The following RBMS3 variants were observed in gnomAD, a reference collection of about 807,000 sequenced individuals.
RBMS3 encodes RNA binding motif single stranded interacting protein 3.
A neutral mutation model predicts 66.8 loss-of-function variants in RBMS3; 27 were observed. That is an observed-to-expected ratio of 0.40 (90% CI 0.30 to 0.56). The LOEUF (loss-of-function observed/expected upper bound fraction) is 0.56, where lower values mean the gene tolerates loss of function less well. RBMS3 is among the 20% of genes least tolerant of loss of function. The probability of loss-of-function intolerance (pLI) is 0.40; values close to 1 mark genes in which losing one functional copy is unlikely to be tolerated. For synonymous variants in RBMS3, 188 were observed against 183.0 expected, an observed-to-expected ratio of 1.03 and a Z score of -0.22; for missense variants, 513 against 549.5, an observed-to-expected ratio of 0.93 and a Z score of 0.66.
intron 1 of RBMS3, among the ~76,000 whole-genome samples, chr3:29,357,297 T>C (rs1486300375): frequency 1.3e-5 from 2 of 150,072 alleles, no homozygotes; most frequent in Non-Finnish European, 3.0e-5. Context: ...GAACACGCGG[T>C]GTTTGGTTTT....
chr3:29,406,320 C>T (rs79856208), intron 1 of RBMS3, among the ~76,000 whole-genome samples: 1,966 of 152,142 alleles, frequency 0.013, 50 homozygotes, highest in African/African-American at 0.042. Context: ...ACAAATTACA[C>T]GGTGGGATGA....
chr3:29,650,356 T>A, intron 4 of RBMS3, among the ~76,000 whole-genome samples: 1 of 149,470 alleles, frequency 6.7e-6, no homozygotes, highest in Non-Finnish European at 1.5e-5. Context: ...AGTGGCGTGA[T>A]CACAACTCAA....
chr3:29,907,011 G>A (rs184685478), intron 10 of RBMS3, among the ~76,000 whole-genome samples: 1 of 152,202 alleles, frequency 6.6e-6, no homozygotes, highest in Non-Finnish European at 1.5e-5. Flanking sequence ...GAGCAAAAAT[G>A]TTATTTACAC....
intron 1 of RBMS3, among the ~76,000 whole-genome samples, chr3:29,302,744 C>T (rs964816854): frequency 6.6e-6 from 1 of 152,008 alleles, no homozygotes; most frequent in Admixed American, 6.6e-5. Context: ...TCCAAACTCC[C>T]TTGCCAATAG....
At chr3:29,316,555 A>G (rs1425057929) in intron 1 of RBMS3, among the ~76,000 whole-genome samples, 1 of 151,576 alleles carries the variant, frequency 6.6e-6, no homozygotes, top group African/African-American at 2.4e-5. Context: ...CACTGTGCTC[A>G]CTCTGCTCTA....
chr3:29,529,694 T>C (rs2045274532), intron 3 of RBMS3, among the ~76,000 whole-genome samples: 1 of 152,174 alleles, frequency 6.6e-6, no homozygotes, highest in Admixed American at 6.5e-5. Flanking sequence ...GTGAGTGTTT[T>C]GGTGAGGTCT....
chr3:29,553,912 T>C (rs758270996), intron 3 of RBMS3, among the ~76,000 whole-genome samples: 1 of 152,144 alleles, frequency 6.6e-6, no homozygotes, highest in Non-Finnish European at 1.5e-5. Flanking sequence ...TAAGTGTGGA[T>C]ACAATCTCTG....
At position 29,963,945 on chromosome 3, in the gene RBMS3, C is replaced by T. The variant is rs548287524; in HGVS notation, c.1098+19691C>T. On this transcript the variant is annotated intron_variant, in intron 12 of 14. Transcript: ENST00000383767. ...CACACCTCCAAGAAAAACTGAAAAC[C>T]TATTTAGCTTGGCTTATTTCATCAT... is the stretch of plus-strand genomic sequence containing the variant. Among the ~76,000 whole-genome samples, 264 of 152,060 alleles carry T rather than the reference C, an allele frequency of 1.7e-3. 1 individual carries two copies. Among genetic ancestry groups the T allele is most frequent in the Non-Finnish European group, 3.0e-3 (206 of 67,984 alleles).
At chr3:29,768,995 T>C (rs111889811) in intron 6 of RBMS3, among the ~76,000 whole-genome samples, 4,002 of 152,042 alleles carry the variant, frequency 0.026, 77 homozygotes, top group Non-Finnish European at 0.042. Flanking sequence ...TTAAAACCTT[T>C]GGCTATAAAG....
chr3:29,987,268 C>T (rs983555391), intron 12 of RBMS3, among the ~76,000 whole-genome samples: 1 of 152,020 alleles, frequency 6.6e-6, no homozygotes, highest in African/African-American at 2.4e-5. Flanking sequence ...TAGTTGATTC[C>T]ATAGAAAATT....
intron 2 of RBMS3, among the ~76,000 whole-genome samples, chr3:29,482,864 C>T (rs1181326470): frequency 1.3e-5 from 2 of 151,254 alleles, no homozygotes; most frequent in East Asian, 2.0e-4. Flanking sequence ...TGCACCACCA[C>T]GCCCGGCTAT....
At chr3:29,559,661 T>C (rs1225765308) in intron 3 of RBMS3, among the ~76,000 whole-genome samples, 7 of 151,254 alleles carry the variant, frequency 4.6e-5, no homozygotes, top group African/African-American at 9.7e-5. Context: ...TACAAAACTA[T>C]ATAAACCATC....
At chr3:29,914,897 T>G (rs2060600752) in intron 10 of RBMS3, among the ~76,000 whole-genome samples, 1 of 151,850 alleles carries the variant, frequency 6.6e-6, no homozygotes, top group Non-Finnish European at 1.5e-5. Flanking sequence ...TAAATTGTAT[T>G]TCTTCCATAG....
intron 4 of RBMS3, among the ~76,000 whole-genome samples, chr3:29,643,602 C>A (rs955371804): frequency 1.1e-4 from 17 of 151,914 alleles, no homozygotes; most frequent in African/African-American, 3.6e-4. Flanking sequence ...AATTAAGGAG[C>A]GTAACACAGT....
At chr3:29,496,774 G>A (rs2043770030) in intron 3 of RBMS3, among the ~76,000 whole-genome samples, 1 of 152,142 alleles carries the variant, frequency 6.6e-6, no homozygotes, top group Non-Finnish European at 1.5e-5. Context: ...AGGTATTTAT[G>A]TTTTGGAAGT....
intron 4 of RBMS3, among the ~76,000 whole-genome samples, chr3:29,653,003 T>C (rs1301028385): frequency 3.3e-5 from 5 of 152,158 alleles, no homozygotes; most frequent in Non-Finnish European, 7.4e-5. Context: ...ACTTCTATAG[T>C]CAAATTCCAA....
At chr3:29,311,148 A>G (rs897586021) in intron 1 of RBMS3, among the ~76,000 whole-genome samples, 3 of 151,786 alleles carry the variant, frequency 2.0e-5, no homozygotes, top group Non-Finnish European at 4.4e-5. Flanking sequence ...GTTGATAAAC[A>G]GAGCTAATAA....
chr3:29,921,273 A>G (rs1315247255), intron 10 of RBMS3, among the ~76,000 whole-genome samples: 2 of 151,944 alleles, frequency 1.3e-5, no homozygotes, highest in African/African-American at 4.8e-5. Flanking sequence ...CATGTTGACC[A>G]GGCTGGTCAG....
At chr3:29,497,582 C>G (rs1020609869) in intron 3 of RBMS3, among the ~76,000 whole-genome samples, 1 of 152,132 alleles carries the variant, frequency 6.6e-6, no homozygotes, top group Non-Finnish European at 1.5e-5. Flanking sequence ...CAAAAGTCAC[C>G]TTCTCAAAAA....
Sources: gnomAD v4.1 joint callset for allele counts (sites outside exome capture counted in the v4.1 genomes callset) on GRCh38, gnomAD v4.1.1 for gene constraint, MANE v1.5 for transcripts, NCBI Gene and HGNC (gene_info 2026-07-23, HGNC 2026-07-21) for gene names.